The following HNRNPD variants were observed in gnomAD, a reference collection of about 807,000 sequenced individuals.
HNRNPD encodes the protein heterogeneous nuclear ribonucleoprotein D.
In HNRNPD, 3 loss-of-function variants were observed where a neutral mutation model predicts 47.9. That is an observed-to-expected ratio of 0.06 (90% confidence interval 0.03 to 0.16). The LOEUF (loss-of-function observed/expected upper bound fraction) is 0.16. Among genes scored for constraint, HNRNPD ranks in the 10% least tolerant of loss-of-function variants. The pLI, the probability that HNRNPD is intolerant of heterozygous loss-of-function variation, is 1.00. For missense variants in HNRNPD, 287 were observed against 454.2 expected (o/e 0.63, Z 3.35); for synonymous variants, 171 against 165.1 (o/e 1.04, Z -0.28).
intron 3 of HNRNPD, 70 bp downstream of exon 3, chr4:82,359,401 C>T: frequency 1.8e-6 from 2 of 1,138,176 alleles, no homozygotes; most frequent in Admixed American, 2.8e-5. Context: ...AATAGGCAAA[C>T]TCATTGTATC....
In HNRNPD at chr4:82,352,834, G is replaced by C. The variant is rs1723553407; in HGVS notation, c.*1351C>G. 1 of 152,178 alleles carries C rather than the reference G, an allele frequency of 6.6e-6. No individual in the cohort carries two copies. The highest frequency in any genetic ancestry group is 6.5e-5 in the Admixed American group (1 of 15,288). The allele number at this position is 152,178 out of a possible 1,614,324, so 9.4% of individuals were successfully genotyped here. A position where few individuals can be genotyped will look rare whatever the true frequency, so the allele number is the denominator to read the frequency against. On this transcript the variant is annotated 3_prime_UTR_variant, in exon 9 of 9. Coordinates refer to ENST00000313899, the MANE Select transcript of HNRNPD (RefSeq NM_031370.3). ...AACACTAACTTTTGCTCATTAAAAT[G>C]TTTGCTTAGTTGGAGGTCAAATTCT...
chr4:82,362,720 A>G (rs1307908017), intron 2 of HNRNPD, among the ~76,000 whole-genome samples: 3 of 151,998 alleles, frequency 2.0e-5, no homozygotes, highest in Non-Finnish European at 4.4e-5. Context: ...CTCATTCCTC[A>G]GCCTCCGTGG....
rs1337482884 is a variant in HNRNPD at position 82,361,992 on chromosome 4, T to G, written c.291-2353A>C. On this transcript the variant is annotated intron_variant, in intron 2 of 8. Coordinates refer to ENST00000313899, the MANE Select transcript of HNRNPD (RefSeq NM_031370.3). Reference sequence around the variant, plus strand: ...CTTTTGGAGAATAAGGAGCCAAGTATTATTCCACCTCCCTTAAAGCACCGC... The same window carrying G: ...CTTTTGGAGAATAAGGAGCCAAGTAGTATTCCACCTCCCTTAAAGCACCGC... 2.0e-5 allele frequency among the ~76,000 whole-genome samples: 3 copies of G among 152,230 alleles called. No homozygotes were observed. The East Asian group carries it at 5.8e-4, about 29-fold the overall frequency.
rs72905885 is a variant in HNRNPD at position 82,372,362 on chromosome 4, G to C, written c.234-778C>G. Among the ~76,000 whole-genome samples, 435 of 152,120 alleles carry C rather than the reference G, an allele frequency of 2.9e-3. 3 individuals carry two copies. The highest frequency in any genetic ancestry group is 0.01 in the African/African-American group (423 of 41,462). Reference sequence around the variant, plus strand: ...GTATATACAACTGTTATTTCAATTGGAGGAAGCAAGTTAATACTAAGAAAT... The same window carrying C: ...GTATATACAACTGTTATTTCAATTGCAGGAAGCAAGTTAATACTAAGAAAT... On this transcript the variant is annotated intron_variant, in intron 1 of 8. Coordinates refer to ENST00000313899, the MANE Select transcript of HNRNPD (RefSeq NM_031370.3).
intron 5 of HNRNPD, 96 bp from the exon 6 acceptor site, chr4:82,356,991 A>C (rs1490782437): frequency 9.4e-7 from 1 of 1,060,024 alleles, no homozygotes; most frequent in Non-Finnish European, 1.4e-6. Flanking sequence ...GTTTAAATAG[A>C]GTAGGCTAAT....
intron 1 of HNRNPD, 68 bp downstream of exon 1, chr4:82,373,378 T>A: frequency 3.6e-6 from 5 of 1,404,592 alleles, no homozygotes; most frequent in Non-Finnish European, 4.6e-6. Context: ...CCAGGCCTAA[T>A]GGCGGGGGAA....
At chr4:82,360,526 C>G (rs1723919214) in intron 2 of HNRNPD, among the ~76,000 whole-genome samples, 1 of 152,092 alleles carries the variant, frequency 6.6e-6, no homozygotes. Flanking sequence ...TCTTTCTACC[C>G]TTTAAAAAGA....
chr4:82,370,856 A>G (rs1444923318), intron 2 of HNRNPD, among the ~76,000 whole-genome samples: 1 of 152,174 alleles, frequency 6.6e-6, no homozygotes, highest in Non-Finnish European at 1.5e-5. Context: ...AAGAGAAGTC[A>G]TGCAATTGTG....
intron 2 of HNRNPD, among the ~76,000 whole-genome samples, chr4:82,364,781 T>C (rs1363938955): frequency 1.3e-5 from 2 of 152,172 alleles, no homozygotes; most frequent in Non-Finnish European, 2.9e-5. Context: ...TAAAGAATAA[T>C]TTAAAACATA....
At chr4:82,363,048 G>GTA (rs66520516) in intron 2 of HNRNPD, among the ~76,000 whole-genome samples, 3,126 of 145,462 alleles carry the variant, frequency 0.021, 65 homozygotes, top group East Asian at 0.076. Flanking sequence ...GTGTGTGTGT[G>GTA]TATATATATA....
At chr4:82,362,666 A>T (rs2556544) in intron 2 of HNRNPD, among the ~76,000 whole-genome samples, 1 of 151,884 alleles carries the variant, frequency 6.6e-6, no homozygotes, top group Non-Finnish European at 1.5e-5. Flanking sequence ...GCAGTGGCAC[A>T]ATCTCAGCTC....
At chr4:82,356,205 C>T (rs1190190985) in intron 7 of HNRNPD, 2 of 216,786 alleles carry the variant, frequency 9.2e-6, no homozygotes, top group Non-Finnish European at 1.8e-5. Flanking sequence ...AGGATTAAGA[C>T]ACATCATGCC....
chr4:82,366,453 A>G (rs999758509), intron 2 of HNRNPD, among the ~76,000 whole-genome samples: 1 of 152,212 alleles, frequency 6.6e-6, no homozygotes, highest in African/African-American at 2.4e-5. Flanking sequence ...CATGTTGGCC[A>G]GGTTGGTCTC....
intron 2 of HNRNPD, among the ~76,000 whole-genome samples, chr4:82,362,788 C>T (rs993558710): frequency 4.6e-5 from 7 of 151,958 alleles, no homozygotes; most frequent in South Asian, 2.1e-4. Context: ...TTAGTAGAGA[C>T]GGGGTTTCCC....
intron 3 of HNRNPD, among the ~76,000 whole-genome samples, 191 bp from the exon 4 acceptor site, chr4:82,359,011 A>C (rs1249326112): frequency 6.6e-6 from 1 of 152,198 alleles, no homozygotes; most frequent in Non-Finnish European, 1.5e-5. Context: ...AAAGGTAAGA[A>C]TGGTAGGACA....
chr4:82,361,970 T>C (rs1332281147), intron 2 of HNRNPD, among the ~76,000 whole-genome samples: 3 of 152,222 alleles, frequency 2.0e-5, no homozygotes, highest in African/African-American at 7.2e-5. Flanking sequence ...TCCAGCACTT[T>C]TGGAGAATAA....
chr4:82,359,407 G>A (rs1723870600), intron 3 of HNRNPD, 64 bp downstream of exon 3: 3 of 1,182,342 alleles, frequency 2.5e-6, no homozygotes, highest in Admixed American at 2.7e-5. Flanking sequence ...CAAACTCATT[G>A]TATCAAACTA....
intron 4 of HNRNPD, chr4:82,358,175 T>G (rs567953568): frequency 6.5e-6 from 1 of 153,270 alleles, no homozygotes; most frequent in East Asian, 1.9e-4. Flanking sequence ...CTTCATCTCC[T>G]GGTCTCCAGT....
intron 8 of HNRNPD, chr4:82,354,970 A>G (rs1269067218): frequency 3.4e-6 from 1 of 295,674 alleles, no homozygotes; most frequent in African/African-American, 2.2e-5. Context: ...TCGTGAAGTC[A>G]GCGCGACACA....
Sources: allele counts gnomAD v4.1 joint callset (sites outside exome capture counted in the v4.1 genomes callset), GRCh38; gene constraint gnomAD v4.1.1; transcripts MANE v1.5; gene names NCBI Gene and HGNC (gene_info 2026-07-23, HGNC 2026-07-21).